The following COG6 variants were observed in gnomAD, a reference collection of about 807,000 sequenced individuals.
COG6 encodes component of oligomeric golgi complex 6, also known as conserved oligomeric Golgi complex subunit 6.
COG6 carries 74 observed loss-of-function variants against 88.8 expected under a neutral mutation model. The ratio of observed to expected loss-of-function variants is 0.83; its 90% CI spans 0.69 to 1.01. COG6 has a LOEUF of 1.01. Among genes scored for constraint, COG6 ranks in the 50% least tolerant of loss-of-function variants. The pLI is 0.00. For synonymous variants in COG6, 286 were observed against 278.7 expected (o/e 1.03, Z -0.26); for missense variants, 800 against 797.9 (o/e 1.00, Z -0.03).
chr13:39,779,058 CA>C (rs1400463642), intron 18 of COG6, among the ~76,000 whole-genome samples: 1 of 152,146 alleles, frequency 6.6e-6, no homozygotes, highest in South Asian at 2.1e-4. Flanking sequence ...AGAGGAGTGT[CA>C]AAAAATTTGC....
chr13:39,744,761 C>A (rs1019572681), intron 18 of COG6, among the ~76,000 whole-genome samples: 1 of 152,256 alleles, frequency 6.6e-6, no homozygotes, highest in East Asian at 1.9e-4. Context: ...CTTTAAAGTT[C>A]ATATGGAACC....
At chr13:39,707,670 CT>C (rs1878019051) in intron 13 of COG6, among the ~76,000 whole-genome samples, 1 of 152,096 alleles carries the variant, frequency 6.6e-6, no homozygotes, top group African/African-American at 2.4e-5. Context: ...ACAGTGTATA[CT>C]TTTTTGGCCC....
At chr13:39,706,237 ATATATATATATACTCCTT>A (rs1477056171) in intron 13 of COG6, among the ~76,000 whole-genome samples, 1 of 123,226 alleles carries the variant, frequency 8.1e-6, no homozygotes, top group Non-Finnish European at 1.7e-5. Context: ...ATACTCCTTT[ATATATATATATACTCCTT>A]TATATATATA....
At chr13:39,761,824 C>G (rs1250394862) in intron 18 of COG6, among the ~76,000 whole-genome samples, 1 of 149,094 alleles carries the variant, frequency 6.7e-6, no homozygotes, top group East Asian at 1.9e-4. Flanking sequence ...ACCAATACCA[C>G]AATGAGATAT....
intron 18 of COG6, among the ~76,000 whole-genome samples, chr13:39,774,155 C>T (rs555369226): frequency 9.2e-5 from 14 of 152,058 alleles, no homozygotes; most frequent in Non-Finnish European, 1.9e-4. Flanking sequence ...TCATAGCTGC[C>T]GAAGGAAACC....
chr13:39,728,993 C>T (rs932736158), intron 18 of COG6, among the ~76,000 whole-genome samples: 1 of 152,166 alleles, frequency 6.6e-6, no homozygotes, highest in African/African-American at 2.4e-5. Flanking sequence ...AAATTTTTAA[C>T]TGAATACCTG....
chr13:39,756,449 A>C (rs1880838136), downstream of COG6, among the ~76,000 whole-genome samples: 1 of 152,172 alleles, frequency 6.6e-6, no homozygotes, highest in Non-Finnish European at 1.5e-5. Flanking sequence ...AAAGAGAAAG[A>C]GTCTGAAAGA....
At chr13:39,695,225 A>G (rs1041054221) in intron 12 of COG6, among the ~76,000 whole-genome samples, 3 of 151,782 alleles carry the variant, frequency 2.0e-5, no homozygotes, top group Non-Finnish European at 2.9e-5. Context: ...TTAGTTTACT[A>G]TAAGTGATAA....
chr13:39,738,500 A>C (rs922909459), intron 18 of COG6, among the ~76,000 whole-genome samples: 4 of 152,224 alleles, frequency 2.6e-5, no homozygotes, highest in Admixed American at 2.6e-4. Flanking sequence ...GTAAAAGAAC[A>C]AATGAGACAA....
intron 18 of COG6, among the ~76,000 whole-genome samples, chr13:39,749,426 G>A (rs949736537): frequency 6.6e-6 from 1 of 152,170 alleles, no homozygotes. Flanking sequence ...GTACATTTTG[G>A]AAATTGGGTT....
intron 13 of COG6, among the ~76,000 whole-genome samples, chr13:39,707,485 T>C (rs1878005598): frequency 6.6e-6 from 1 of 152,198 alleles, no homozygotes; most frequent in Non-Finnish European, 1.5e-5. Flanking sequence ...GTTAGTTGAA[T>C]GTTTGTATTT....
rs1015875191 is a variant in COG6 at position 39,682,204 on chromosome 13, A to T, written c.728A>T (p.Asp243Val). The T allele has an allele frequency of 3.7e-6, 6 of 1,612,502 alleles. No homozygotes were observed. The highest frequency in any genetic ancestry group is 1.7e-5 in the Admixed American group (1 of 60,016). ...AGAACATTGACACAAGAATCATGTG[A>T]CGTATCTCCAGTATTGACACAGGCA... ...ECRTLTQESC[D>V]VSPVLTQAME... The change falls in exon 8 of 19, where the codon GAC becomes GTC. Residue 243 changes from aspartate (D) to valine (V), a missense_variant. Physicochemically the swap from Asp to Val is radical, Grantham distance 152. Coordinates refer to ENST00000455146, the MANE Select transcript of COG6 (RefSeq NM_020751.3).
exon 19 of COG6, chr13:39,790,542 A>G (rs571214252): frequency 2.0e-4 from 30 of 152,134 alleles, no homozygotes; most frequent in African/African-American, 7.2e-4. Context: ...GTTCTTCCTC[A>G]TTACTTTTCT....
chr13:39,732,562 G>A (rs894902338), intron 18 of COG6, among the ~76,000 whole-genome samples: 1 of 152,040 alleles, frequency 6.6e-6, no homozygotes, highest in Non-Finnish European at 1.5e-5. Context: ...AGAGAATAGG[G>A]GATTTTACAA....
chr13:39,689,847 A>G (rs1268247329), intron 11 of COG6, 23 bp downstream of exon 11: 2 of 1,455,666 alleles, frequency 1.4e-6, no homozygotes, highest in East Asian at 2.3e-5. Flanking sequence ...GTTTTTACAT[A>G]TGCTATATGG....
chr13:39,752,530 A>G lies in COG6; in HGVS notation c.*1437A>G. ...TGTATATAATTTATTTCTACAGAGAAAGAAGATTGATACCTTGCTATGAGT... is the reference window on the plus strand; with the variant it reads ...TGTATATAATTTATTTCTACAGAGAGAGAAGATTGATACCTTGCTATGAGT... On this transcript the variant is annotated 3_prime_UTR_variant, in exon 19 of 19. Coordinates refer to ENST00000455146, the MANE Select transcript of COG6 (RefSeq NM_020751.3). The G allele has an allele frequency of 8.2e-7, 1 of 1,214,790 alleles. No homozygotes were observed. Among genetic ancestry groups the G allele is most frequent in the Non-Finnish European group, 1.1e-6 (1 of 931,136 alleles). 75.3% of individuals were successfully genotyped at this position (1,214,790 alleles called of 1,614,324 possible).
At chr13:39,674,445 A>T (rs1875843320) in intron 4 of COG6, among the ~76,000 whole-genome samples, 1 of 152,194 alleles carries the variant, frequency 6.6e-6, no homozygotes, top group African/African-American at 2.4e-5. Flanking sequence ...AAAGAAAAGT[A>T]CCACAGGATT....
chr13:39,689,866 T>TA (rs752654267), intron 11 of COG6, 42 bp downstream of exon 11: 1 of 1,202,462 alleles, frequency 8.3e-7, no homozygotes, highest in South Asian at 1.2e-5. Flanking sequence ...GGTACCTGCT[T>TA]AAATTATTAC....
Position 39,679,539 on chromosome 13 carries a change from AT to A in COG6, c.548del (p.Phe183SerfsTer7), listed in dbSNP as rs781236436. On this transcript the variant is annotated frameshift_variant and splice_region_variant, in exon 6 of 19. Transcript: ENST00000455146. LOFTEE classifies it high-confidence loss of function. ...RGTREGPITE[D>X]FFKALGRVKQ... ...AAAGTCACATTCTTAATTTTAAAGG[AT>A]TTTTTCAAGGCACTGGGAAGAGTAA... 3 of 1,559,876 alleles carry A rather than the reference AT, an allele frequency of 1.9e-6. No individual in the cohort carries two copies. The highest frequency in any genetic ancestry group is 2.7e-5 in the African/African-American group (2 of 73,786).
Sources: allele counts gnomAD v4.1 joint callset (sites outside exome capture counted in the v4.1 genomes callset), GRCh38; gene constraint gnomAD v4.1.1; transcripts MANE v1.5; gene names NCBI Gene and HGNC (gene_info 2026-07-23, HGNC 2026-07-21).